Variants in CBFA2T3 observed in about 807,000 individuals in gnomAD.
The protein encoded by CBFA2T3 is transcriptional corepressor CBFA2T3.
In CBFA2T3, 31 loss-of-function variants were observed where a neutral mutation model predicts 58.6. That is an observed-to-expected ratio of 0.53 (90% CI 0.40 to 0.71). The LOEUF (loss-of-function observed/expected upper bound fraction) is 0.71, where lower values mean the gene tolerates loss of function less well. Among genes scored for constraint, CBFA2T3 ranks in the 30% least tolerant of loss-of-function variants. CBFA2T3 has a pLI of 0.00. For missense variants in CBFA2T3, 1,076 were observed against 963.1 expected, an observed-to-expected ratio of 1.12 and a Z score of -1.55; for synonymous variants, 531 against 421.9, an observed-to-expected ratio of 1.26 and a Z score of -3.17.
In CBFA2T3 at chr16:88,927,413, C is replaced by T. The variant is rs555235992; in HGVS notation, c.152-25757G>A. ...CTCGAGCCAGATCCTGACCCCAGACCCAGCCTGTTTTCTGGGTGTCTGAAT... is the reference window on the plus strand; with the variant it reads ...CTCGAGCCAGATCCTGACCCCAGACTCAGCCTGTTTTCTGGGTGTCTGAAT... On this transcript the variant is annotated intron_variant, in intron 1 of 11. Coordinates refer to ENST00000268679, the MANE Select transcript of CBFA2T3 (RefSeq NM_005187.6). Among the ~76,000 whole-genome samples, 36 of 152,324 alleles carry T rather than the reference C, an allele frequency of 2.4e-4. 1 individual carries two copies. In the South Asian group the frequency reaches 5.2e-3, roughly 22 times the overall value.
At chr16:88,973,231 G>C (rs1972701596) in intron 1 of CBFA2T3, among the ~76,000 whole-genome samples, 1 of 152,244 alleles carries the variant, frequency 6.6e-6, no homozygotes, top group South Asian at 2.1e-4. Context: ...TGAGTGGCTG[G>C]AGCTCTGGCC....
intron 5 of CBFA2T3, chr16:88,886,556 AC>A (rs1313585926): frequency 6.2e-6 from 1 of 160,718 alleles, no homozygotes; most frequent in Non-Finnish European, 1.4e-5. Flanking sequence ...ATGACCCAAC[AC>A]AGCTGGGGAA....
intron 5 of CBFA2T3, among the ~76,000 whole-genome samples, chr16:88,888,598 T>TGGGAG (rs1291983611): frequency 1.0e-3 from 2 of 1,980 alleles, no homozygotes; most frequent in Non-Finnish European, 2.0e-3. Context: ...TGGGGTGGGG[T>TGGGAG]GGGTGGGAGG....
intron 5 of CBFA2T3, among the ~76,000 whole-genome samples, chr16:88,887,518 T>C (rs562779651): frequency 6.6e-6 from 1 of 152,242 alleles, no homozygotes; most frequent in Admixed American, 6.5e-5. Flanking sequence ...CTGGAAGGCC[T>C]GACCCTTGGG....
At position 88,953,760 on chromosome 16, in the gene CBFA2T3, G is replaced by C. The variant is rs537274927; in HGVS notation, c.151+22897C>G. Among the ~76,000 whole-genome samples, 3 of 152,252 alleles carry C rather than the reference G, an allele frequency of 2.0e-5. No homozygotes were observed. Among genetic ancestry groups the C allele is most frequent in the Admixed American group, 2.0e-4 (3 of 15,302 alleles). On this transcript the variant is annotated intron_variant, in intron 1 of 11. Transcript: ENST00000268679. The surrounding 1 kb of genome is among the most constrained non-coding windows in gnomAD (Gnocchi z 4.9). ...TTTACTCCCGGGAAAATAAACATTT[G>C]GGTTTATTTCGCTGTGACTGCACCC...
At position 88,958,884 on chromosome 16, in the gene CBFA2T3, C is replaced by T. The variant is rs1296743562; in HGVS notation, c.151+17773G>A. 6.6e-6 allele frequency among the ~76,000 whole-genome samples: 1 copy of T among 152,156 alleles called. No homozygotes were observed. Among genetic ancestry groups the T allele is most frequent in the Non-Finnish European group, 1.5e-5 (1 of 68,016 alleles). On this transcript the variant is annotated intron_variant, in intron 1 of 11. Transcript: ENST00000268679. The surrounding 1 kb of genome is among the most constrained non-coding windows in gnomAD (Gnocchi z 4.0). ...GTATGGTCAGAGTGGGACCCTGTACCGCCTCTGCCGCCCTTTTCCCTTTGC... is the reference window on the plus strand; with the variant it reads ...GTATGGTCAGAGTGGGACCCTGTACTGCCTCTGCCGCCCTTTTCCCTTTGC...
intron 1 of CBFA2T3, among the ~76,000 whole-genome samples, chr16:88,932,791 C>CAA (rs576934029): frequency 0.022 from 606 of 27,848 alleles, 61 homozygotes; most frequent in African/African-American, 0.028. Context: ...ACTAAAAATA[C>CAA]AAAAAAAAAA....
At chr16:88,955,888 T>A (rs1442996470) in intron 1 of CBFA2T3, among the ~76,000 whole-genome samples, 1 of 53,668 alleles carries the variant, frequency 1.9e-5, no homozygotes, top group South Asian at 4.8e-4. Flanking sequence ...CCCAGCCAAG[T>A]CTCCTGACCC....
intron 1 of CBFA2T3, among the ~76,000 whole-genome samples, chr16:88,934,275 C>T (rs1427022674): frequency 2.0e-5 from 3 of 148,828 alleles, no homozygotes; most frequent in African/African-American, 5.2e-5. Context: ...GGCTGCCCCA[C>T]AGTGGCTGCT....
intron 1 of CBFA2T3, among the ~76,000 whole-genome samples, chr16:88,920,965 A>G (rs1055246308): frequency 1.3e-5 from 2 of 152,254 alleles, no homozygotes; most frequent in Admixed American, 1.3e-4. Flanking sequence ...AACCTGGAAC[A>G]ACACATCCTT....
chr16:88,882,080 ATCC>A (rs1969107782), intron 8 of CBFA2T3, among the ~76,000 whole-genome samples: 1 of 152,176 alleles, frequency 6.6e-6, no homozygotes, highest in Admixed American at 6.5e-5. Flanking sequence ...GGTTTTAGGA[ATCC>A]TCCTCCCTGG....
At chr16:88,941,025 G>C in intron 1 of CBFA2T3, 1 of 984,182 alleles carries the variant, frequency 1.0e-6, no homozygotes, top group East Asian at 1.1e-4. Context: ...CTTACGGTCG[G>C]GGGGTCCGGG....
chr16:88,896,597 C>T (rs1969896193), intron 3 of CBFA2T3, among the ~76,000 whole-genome samples: 1 of 152,164 alleles, frequency 6.6e-6, no homozygotes, highest in Admixed American at 6.5e-5. Flanking sequence ...GTGACACACA[C>T]ACCCCGTCAA....
chr16:88,937,297 AC>A (rs1455496521), intron 1 of CBFA2T3: 6 of 152,232 alleles, frequency 3.9e-5, no homozygotes, highest in Non-Finnish European at 8.8e-5. Context: ...CGTGGTGTCC[AC>A]CCAACCTGGC....
At chr16:88,975,035 GCTCC>G in intron 1 of CBFA2T3, among the ~76,000 whole-genome samples, 1 of 150,960 alleles carries the variant, frequency 6.6e-6, no homozygotes, top group Non-Finnish European at 1.5e-5. Flanking sequence ...GTGAGACCCT[GCTCC>G]CTCCTCACAT....
In CBFA2T3 at chr16:88,945,827, A is replaced by T. The variant is rs953887087; in HGVS notation, c.151+30830T>A. ...TTCACGTTTCTTGGTATTTACCCAA[A>T]TGAGTTAAAAACTAATGTCCACACA... On this transcript the variant is annotated intron_variant, in intron 1 of 11. Transcript: ENST00000268679. Among the ~76,000 whole-genome samples the T allele has an allele frequency of 2.6e-5, 4 of 152,254 alleles. No homozygotes were observed. In the South Asian group the frequency reaches 8.3e-4, roughly 31 times the overall value.
chr16:88,892,043 G>A, intron 4 of CBFA2T3, 72 bp from the exon 5 acceptor site: 3 of 1,423,160 alleles, frequency 2.1e-6, no homozygotes, highest in Non-Finnish European at 3.0e-6. Flanking sequence ...ACCCATGCCT[G>A]AGGAGGAGGC....
Position 88,885,162 on chromosome 16 carries a change from G to T in CBFA2T3, c.1001C>A (p.Pro334Gln). 6.2e-7 allele frequency: 1 copy of T among 1,602,636 alleles called. No homozygotes were observed. The change falls in exon 7 of 12, where the codon CCG becomes CAG. Residue 334 changes from proline to glutamine, a missense_variant. Pro to Gln is a moderately conservative substitution (Grantham distance 76, BLOSUM62 -1). Transcript: ENST00000268679. The surrounding 1 kb of genome is among the most constrained non-coding windows in gnomAD (Gnocchi z 5.3). ...AQRYSPSNGP[P>Q]QPTPPPHYRL... ...GTAGTGCGGCGGCGGTGTGGGCTGC[G>T]GTGGCCCGTTGCTGGGGCTGTAGCG... is the stretch of plus-strand genomic sequence containing the variant.
rs896082368 is a variant in CBFA2T3 at position 88,953,123 on chromosome 16, C to G, written c.151+23534G>C. Among the ~76,000 whole-genome samples, 2 of 152,214 alleles carry G rather than the reference C, an allele frequency of 1.3e-5. No homozygotes were observed. The highest frequency in any genetic ancestry group is 4.8e-5 in the African/African-American group (2 of 41,450). ...CCGGTTAGATCGGCCCCCAGTCCTGCTGGCCCCAGCGATGACAGAGGAGGA... is the reference window on the plus strand; with the variant it reads ...CCGGTTAGATCGGCCCCCAGTCCTGGTGGCCCCAGCGATGACAGAGGAGGA... On this transcript the variant is annotated intron_variant, in intron 1 of 11. Coordinates refer to ENST00000268679, the MANE Select transcript of CBFA2T3 (RefSeq NM_005187.6). The surrounding 1 kb of genome is among the most constrained non-coding windows in gnomAD (Gnocchi z 4.9).
Sources: gnomAD v4.1 joint callset for allele counts (sites outside exome capture counted in the v4.1 genomes callset) on GRCh38, gnomAD v4.1.1 for gene constraint, Gnocchi (gnomAD v3.1) non-coding constraint, MANE v1.5 for transcripts, NCBI Gene and HGNC (gene_info 2026-07-23, HGNC 2026-07-21) for gene names.